ANKS1B: variants seen among roughly 807,000 people sequenced by gnomAD.
ANKS1B encodes ankyrin repeat and sterile alpha motif domain containing 1B, also known as ankyrin repeat and sterile alpha motif domain-containing protein 1B.
Under a neutral mutation model 148.3 loss-of-function variants are expected in ANKS1B, and 36 were observed. The ratio of observed to expected loss-of-function variants is 0.24; its 90% CI spans 0.19 to 0.32. The LOEUF (loss-of-function observed/expected upper bound fraction) is 0.32, where lower values mean the gene tolerates loss of function less well. ANKS1B is among the 10% of genes least tolerant of loss of function. The pLI is 1.00. For missense variants in ANKS1B, 1,157 were observed against 1,542.6 expected (o/e 0.75, Z 4.19); for synonymous variants, 542 against 560.8 (o/e 0.97, Z 0.47).
intron 1 of ANKS1B, among the ~76,000 whole-genome samples, chr12:99,919,969 T>G (rs2094302767): frequency 6.6e-6 from 1 of 152,176 alleles, no homozygotes; most frequent in Admixed American, 6.6e-5. Flanking sequence ...AAATTTTAAA[T>G]TTACATAAGT....
intron 17 of ANKS1B, among the ~76,000 whole-genome samples, chr12:98,835,810 C>T (rs570154102): frequency 1.3e-5 from 2 of 152,296 alleles, no homozygotes; most frequent in African/African-American, 4.8e-5. Context: ...TCAAGATCAC[C>T]TGGATAACTC....
chr12:99,463,097 C>T (rs899692447), intron 10 of ANKS1B, among the ~76,000 whole-genome samples: 24 of 152,200 alleles, frequency 1.6e-4, no homozygotes, highest in African/African-American at 3.1e-4. Context: ...ATAATTCACA[C>T]GGTGAAAAAA....
intron 1 of ANKS1B, among the ~76,000 whole-genome samples, chr12:99,948,276 T>C (rs1312609158): frequency 2.0e-5 from 3 of 151,138 alleles, no homozygotes; most frequent in Non-Finnish European, 4.4e-5. Context: ...TTACACAAAT[T>C]ACCTATAAAT....
At chr12:99,862,810 G>A (rs1376271879) in intron 1 of ANKS1B, among the ~76,000 whole-genome samples, 1 of 152,148 alleles carries the variant, frequency 6.6e-6, no homozygotes, top group Admixed American at 6.5e-5. Flanking sequence ...GTATGAGAAT[G>A]CAAAATCTAG....
At chr12:99,559,934 A>C (rs2097315147) in intron 9 of ANKS1B, among the ~76,000 whole-genome samples, 1 of 152,224 alleles carries the variant, frequency 6.6e-6, no homozygotes, top group Non-Finnish European at 1.5e-5. Context: ...CTTTGAATTA[A>C]AAGTAAGACC....
At chr12:98,992,506 C>A (rs191579917) in intron 17 of ANKS1B, among the ~76,000 whole-genome samples, 143 of 152,238 alleles carry the variant, frequency 9.4e-4, no homozygotes, top group African/African-American at 3.3e-3. Context: ...TTTGGAAGTT[C>A]TTTCTTCACT....
At chr12:99,900,356 A>T (rs1273518917) in intron 1 of ANKS1B, among the ~76,000 whole-genome samples, 14 of 151,738 alleles carry the variant, frequency 9.2e-5, no homozygotes, top group African/African-American at 3.4e-4. Context: ...AAATACAAAA[A>T]TTAGCCAGGT....
At chr12:99,095,109 A>G (rs530820885) in intron 15 of ANKS1B, among the ~76,000 whole-genome samples, 4 of 152,338 alleles carry the variant, frequency 2.6e-5, no homozygotes, top group African/African-American at 9.6e-5. Flanking sequence ...TGAAATCAGA[A>G]TAGTCTTTGA....
At chr12:99,650,132 CTATCTT>C in intron 9 of ANKS1B, 1 of 152,192 alleles carries the variant, frequency 6.6e-6, no homozygotes, top group East Asian at 1.9e-4. Context: ...GCTCTGAAAA[CTATCTT>C]TAACTTTCCC....
intron 9 of ANKS1B, among the ~76,000 whole-genome samples, chr12:99,641,795 G>A (rs2098309640): frequency 6.6e-6 from 1 of 152,066 alleles, no homozygotes; most frequent in Admixed American, 6.5e-5. Flanking sequence ...AAATGCCATA[G>A]TAAAAAATAT....
intron 14 of ANKS1B, among the ~76,000 whole-genome samples, chr12:99,219,858 C>A (rs116867310): frequency 1.3e-5 from 2 of 152,176 alleles, no homozygotes; most frequent in Non-Finnish European, 2.9e-5. Context: ...CATTCTCATG[C>A]CCTCTAGGGA....
intron 20 of ANKS1B, among the ~76,000 whole-genome samples, chr12:98,804,359 T>C (rs944297707): frequency 3.3e-5 from 5 of 152,052 alleles, no homozygotes; most frequent in Non-Finnish European, 7.4e-5. Context: ...ATTGAATTTA[T>C]TAGAAAATAA....
Position 98,745,566 on chromosome 12 carries a change from A to T in ANKS1B, c.*173T>A. 1 of 1,383,010 alleles carries T rather than the reference A, an allele frequency of 7.2e-7. No homozygotes were observed. Among genetic ancestry groups the T allele is most frequent in the Non-Finnish European group, 9.4e-7 (1 of 1,066,040 alleles). The allele number at this position is 1,383,010 out of a possible 1,614,324, so 85.7% of individuals were successfully genotyped here. On this transcript the variant is annotated 3_prime_UTR_variant, in exon 27 of 27. Transcript: ENST00000683438. ...ACTGGAAAGTCTTGCGTTTTCCATC[A>T]CTGGTGCAGAAAGAACTTCCCCAGG...
At chr12:99,376,900 T>C (rs911389124) in intron 12 of ANKS1B, among the ~76,000 whole-genome samples, 8 of 152,154 alleles carry the variant, frequency 5.3e-5, no homozygotes, top group Admixed American at 2.6e-4. Flanking sequence ...CTGGGTTGGA[T>C]TGATTAAATC....
At chr12:99,683,078 G>T (rs923866969) in intron 8 of ANKS1B, among the ~76,000 whole-genome samples, 1 of 152,058 alleles carries the variant, frequency 6.6e-6, no homozygotes, top group Non-Finnish European at 1.5e-5. Context: ...TAACCACCAG[G>T]TCTCGTGAGA....
At chr12:99,171,139 G>A (rs1416495714) in intron 14 of ANKS1B, among the ~76,000 whole-genome samples, 1 of 152,066 alleles carries the variant, frequency 6.6e-6, no homozygotes, top group African/African-American at 2.4e-5. Context: ...CATTTCTGTA[G>A]GACAGAATAA....
intron 17 of ANKS1B, among the ~76,000 whole-genome samples, chr12:98,996,594 C>T (rs995894307): frequency 6.6e-6 from 1 of 151,934 alleles, no homozygotes; most frequent in African/African-American, 2.4e-5. Context: ...GCAGGTGGAT[C>T]ACGAGGTCAG....
At chr12:99,691,050 T>C (rs1362693073) in intron 8 of ANKS1B, among the ~76,000 whole-genome samples, 1 of 152,248 alleles carries the variant, frequency 6.6e-6, no homozygotes, top group Non-Finnish European at 1.5e-5. Context: ...CAACACTATG[T>C]GGAAGACACC....
chr12:99,213,611 T>A (rs2083683484), intron 14 of ANKS1B, among the ~76,000 whole-genome samples: 1 of 152,240 alleles, frequency 6.6e-6, no homozygotes, highest in Non-Finnish European at 1.5e-5. Context: ...AAAGGAGCTC[T>A]TTATACTCAG....
Sources: gnomAD v4.1 joint callset for allele counts (sites outside exome capture counted in the v4.1 genomes callset) on GRCh38, gnomAD v4.1.1 for gene constraint, MANE v1.5 for transcripts, NCBI Gene and HGNC (gene_info 2026-07-23, HGNC 2026-07-21) for gene names.